Variants in UPK1A observed in about 807,000 individuals in gnomAD.
The protein encoded by UPK1A is uroplakin-1a.
A neutral mutation model predicts 32.3 loss-of-function variants in UPK1A; 31 were observed. The ratio of observed to expected loss-of-function variants is 0.96; its 90% CI spans 0.72 to 1.30. The LOEUF (loss-of-function observed/expected upper bound fraction) is 1.30. UPK1A is among the 50% of genes most tolerant of loss of function. The pLI, the probability that UPK1A is intolerant of heterozygous loss-of-function variation, is 0.00. For synonymous variants in UPK1A, 135 were observed against 137.1 expected (o/e 0.98, Z 0.11); for missense variants, 340 against 357.4 (o/e 0.95, Z 0.39).
intron 3 of UPK1A, among the ~76,000 whole-genome samples, chr19:35,672,137 C>CT (rs896896283): frequency 1.4e-4 from 21 of 150,540 alleles, no homozygotes; most frequent in Non-Finnish European, 2.4e-4. Flanking sequence ...AACTGACAAG[C>CT]TTTTTTTTTT....
chr19:35,677,456 G>A (rs1313418620), intron 6 of UPK1A, among the ~76,000 whole-genome samples: 2 of 151,632 alleles, frequency 1.3e-5, no homozygotes, highest in East Asian at 3.9e-4. Context: ...AACGCGGGAG[G>A]TAAAGGTTTC....
chr19:35,673,599 C>T (rs944595177), intron 5 of UPK1A, 54 bp downstream of exon 5: 20 of 1,510,152 alleles, frequency 1.3e-5, no homozygotes, highest in Non-Finnish European at 1.8e-5. Context: ...CCACAGAGGC[C>T]GATAGAGCTC....
At chr19:35,666,685 A>G in intron 1 of UPK1A, 124 bp from the exon 2 acceptor site, 1 of 939,324 alleles carries the variant, frequency 1.1e-6, no homozygotes, top group Admixed American at 2.2e-5. Flanking sequence ...CTGTGGGTAC[A>G]TCAGTACCAG....
At chr19:35,674,410 C>G (rs1056396781) in intron 5 of UPK1A, among the ~76,000 whole-genome samples, 4 of 151,910 alleles carry the variant, frequency 2.6e-5, no homozygotes, top group African/African-American at 9.7e-5. Flanking sequence ...CCGCGCCCAG[C>G]TGATTTTTTG....
chr19:35,678,051 CG>C (rs751610043), exon 8 of UPK1A: 51 of 1,542,360 alleles, frequency 3.3e-5, no homozygotes, highest in Non-Finnish European at 4.0e-5. Flanking sequence ...ATACACACCC[CG>C]GACTCCTCCG....
chr19:35,676,079 G>T, intron 6 of UPK1A, 60 bp downstream of exon 6: 1 of 1,528,562 alleles, frequency 6.5e-7, no homozygotes, highest in Non-Finnish European at 8.8e-7. Context: ...TCTGGTCTCT[G>T]CTCCCTCTCT....
intron 6 of UPK1A, 51 bp from the exon 7 acceptor site, chr19:35,677,761 G>A: frequency 6.2e-7 from 1 of 1,606,002 alleles, no homozygotes; most frequent in Non-Finnish European, 8.5e-7. Flanking sequence ...CTCGCTTTCA[G>A]CGGCTACCCT....
chr19:35,674,641 T>G (rs1255615188), intron 5 of UPK1A, among the ~76,000 whole-genome samples: 1 of 152,064 alleles, frequency 6.6e-6, no homozygotes, highest in African/African-American at 2.4e-5. Context: ...ATATCTTGCA[T>G]GAGGTCACAC....
At position 35,675,964 on chromosome 19, in the gene UPK1A, TC is replaced by T; in HGVS notation, c.598del (p.Leu200SerfsTer42). The T allele has an allele frequency of 6.2e-7, 1 of 1,613,780 alleles. No individual in the cohort carries two copies. Among genetic ancestry groups the T allele is most frequent in the Non-Finnish European group, 8.5e-7 (1 of 1,179,970 alleles). On this transcript the variant is annotated frameshift_variant, in exon 6 of 8. Coordinates refer to ENST00000617999, the Ensembl canonical transcript of UPK1A. LOFTEE classifies it high-confidence loss of function. ...TGCTGTCGCCGGACGGGAAACTTCA[TC>T]CCCCTCAACGAGGAGGGCTGCCGCC...
chr19:35,669,141 G>A (rs1211420776), intron 3 of UPK1A, among the ~76,000 whole-genome samples: 2 of 152,020 alleles, frequency 1.3e-5, no homozygotes, highest in African/African-American at 4.8e-5. Context: ...ATTCCTCATA[G>A]TCCACCAAGA....
At chr19:35,670,016 G>A (rs1263846460) in intron 3 of UPK1A, among the ~76,000 whole-genome samples, 1 of 152,240 alleles carries the variant, frequency 6.6e-6, no homozygotes, top group East Asian at 1.9e-4. Flanking sequence ...GCTCAGAGGA[G>A]GAAGACAGTG....
intron 5 of UPK1A, among the ~76,000 whole-genome samples, chr19:35,674,559 T>C (rs185794603): frequency 6.1e-4 from 93 of 152,120 alleles, no homozygotes; most frequent in Non-Finnish European, 5.4e-4. Context: ...TTTAAAGCTT[T>C]TTTAATCCTC....
chr19:35,672,989 A>G lies in UPK1A; in HGVS notation c.286-243A>G, dbSNP rs568814295. ...CTCGGCCTCCCAAAGTGCTGGGATT[A>G]TAGGCGTGAGCCACCACGCCTCGCC... is the stretch of plus-strand genomic sequence containing the variant. On this transcript the variant is annotated intron_variant, in intron 3 of 7. Transcript: ENST00000617999. Among the ~76,000 whole-genome samples the G allele has an allele frequency of 3.7e-4, 56 of 152,338 alleles. 1 individual carries two copies. The South Asian group carries it at 0.011, about 30-fold the overall frequency.
At chr19:35,673,449 C>T (rs781466742) in exon 5 of UPK1A, 4 of 1,613,740 alleles carry the variant, frequency 2.5e-6, no homozygotes, top group Non-Finnish European at 8.5e-7. Context: ...TGGTGTCCAA[C>T]CCATCCCTGA....
Position 35,677,419 on chromosome 19 carries a change from A to C in UPK1A, c.649-393A>C, listed in dbSNP as rs369587355. Among the ~76,000 whole-genome samples the C allele has an allele frequency of 2.0e-5, 3 of 151,586 alleles. No homozygotes were observed. In the East Asian group the frequency reaches 5.9e-4, roughly 30 times the overall value. ...TGCACACCTGTAATCCCAGCTACTC[A>C]GGAGGCTGAGGCAGGAGAATTGCTT... On this transcript the variant is annotated intron_variant, in intron 6 of 7. Transcript: ENST00000617999.
At chr19:35,671,624 A>AT (rs553879859) in intron 3 of UPK1A, among the ~76,000 whole-genome samples, 8,286 of 141,170 alleles carry the variant, frequency 0.059, 291 homozygotes, top group Middle Eastern at 0.083. Context: ...CGCCTGGTTA[A>AT]TTTTTTTTTT....
intron 3 of UPK1A, among the ~76,000 whole-genome samples, chr19:35,669,778 A>C (rs1599629557): frequency 6.6e-6 from 1 of 152,194 alleles, no homozygotes; most frequent in Non-Finnish European, 1.5e-5. Context: ...AAAGAGGCTA[A>C]CAGCCTCTCC....
chr19:35,666,971 GA>G (rs1256427504), intron 2 of UPK1A, 75 bp downstream of exon 2: 1 of 1,484,000 alleles, frequency 6.7e-7, no homozygotes, highest in Non-Finnish European at 9.4e-7. Context: ...CGGGGTGGGG[GA>G]TGAGGGTCCA....
chr19:35,670,696 CCCTCCCTT>C (rs1189177435), intron 3 of UPK1A, among the ~76,000 whole-genome samples: 4 of 116,700 alleles, frequency 3.4e-5, no homozygotes, highest in Non-Finnish European at 7.3e-5. Context: ...CTCCCTCCCT[CCCTCCCTT>C]CCTTCCTTCC....
Sources: allele counts gnomAD v4.1 joint callset (sites outside exome capture counted in the v4.1 genomes callset), GRCh38; gene constraint gnomAD v4.1.1; transcripts MANE v1.5; gene names NCBI Gene and HGNC (gene_info 2026-07-23, HGNC 2026-07-21).